Variants in C3orf20 observed in about 807,000 individuals in gnomAD.
The protein encoded by C3orf20 is family with sequence similarity 149 member C.
Under a neutral mutation model 88.3 loss-of-function variants are expected in C3orf20, and 76 were observed. That is an observed-to-expected ratio of 0.86 (90% CI 0.72 to 1.04). C3orf20 has a LOEUF of 1.04. C3orf20 is among the 50% of genes least tolerant of loss of function. The pLI, the probability that C3orf20 is intolerant of heterozygous loss-of-function variation, is 0.00. For synonymous variants in C3orf20, 436 were observed against 437.4 expected, an observed-to-expected ratio of 1.00 and a Z score of 0.04; for missense variants, 1,056 against 1,123.3, an observed-to-expected ratio of 0.94 and a Z score of 0.86.
intron 12 of C3orf20, among the ~76,000 whole-genome samples, chr3:14,736,297 T>G (rs928546951): frequency 5.0e-4 from 1 of 2,018 alleles, no homozygotes; most frequent in Non-Finnish European, 2.2e-3. Context: ...TTTATTTCAC[T>G]TTTTTTTTTT....
At position 14,714,107 on chromosome 3, in the gene C3orf20, G is replaced by T. The variant is rs762557632; in HGVS notation, c.1261G>T (p.Ala421Ser). 8 of 1,614,034 alleles carry T rather than the reference G, an allele frequency of 5.0e-6. No individual in the cohort carries two copies. In the Admixed American group the frequency reaches 1.2e-4, roughly 24 times the overall value. ...TGACATACCTGGATTCTCCTTGCTG[G>T]CCCTATTCAATACTGAAGGCCAGGG... is the stretch of plus-strand genomic sequence containing the variant. ...FNDIPGFSLL[A>S]LFNTEGQGCV... is the part of the protein sequence containing the mutation. Residue 421 changes from alanine to serine, a missense_variant, in exon 8 of 17, where the codon GCC becomes TCC. By Grantham distance (99) the Ala-to-Ser change is moderately conservative. Transcript: ENST00000253697.
At chr3:14,729,770 TC>T (rs1263765951) in intron 12 of C3orf20, among the ~76,000 whole-genome samples, 1 of 152,348 alleles carries the variant, frequency 6.6e-6, no homozygotes, top group East Asian at 1.9e-4. Flanking sequence ...GGTCTCGAAC[TC>T]CTGACCTCAT....
intron 10 of C3orf20, among the ~76,000 whole-genome samples, chr3:14,726,699 C>G (rs2034359285): frequency 6.6e-6 from 1 of 152,162 alleles, no homozygotes; most frequent in African/African-American, 2.4e-5. Context: ...GGAAAACCCT[C>G]CGAGGAGAGG....
At chr3:14,753,977 A>G (rs759030307) in intron 12 of C3orf20, among the ~76,000 whole-genome samples, 8 of 152,254 alleles carry the variant, frequency 5.3e-5, no homozygotes, top group African/African-American at 9.6e-5. Context: ...ACTAATCTGC[A>G]TTAGCCTTTA....
chr3:14,706,153 G>A (rs1406780915), intron 7 of C3orf20, among the ~76,000 whole-genome samples: 6 of 152,074 alleles, frequency 3.9e-5, no homozygotes, highest in Non-Finnish European at 8.8e-5. Flanking sequence ...GCTTCCTTTG[G>A]CCTCCTCTTG....
At chr3:14,677,931 A>G (rs1470904097) in intron 1 of C3orf20, among the ~76,000 whole-genome samples, 1 of 151,828 alleles carries the variant, frequency 6.6e-6, no homozygotes, top group Admixed American at 6.6e-5. Context: ...TGCCAGCAGC[A>G]GAAGGAGCAC....
At chr3:14,700,855 A>G (rs952979716) in intron 5 of C3orf20, among the ~76,000 whole-genome samples, 1 of 152,224 alleles carries the variant, frequency 6.6e-6, no homozygotes, top group African/African-American at 2.4e-5. Context: ...CGGGGCCTCC[A>G]CCATCCATTC....
rs1482440181 is a variant in C3orf20 at position 14,772,702 on chromosome 3, C to T, written c.2631-89C>T. On this transcript the variant is annotated intron_variant, in intron 16 of 16. Coordinates refer to ENST00000253697, the MANE Select transcript of C3orf20 (RefSeq NM_032137.5). The surrounding 1 kb of genome is among the most constrained non-coding windows in gnomAD (Gnocchi z 4.2). ...AGCCTCACCTGTGCAAGGGAGAGGGCCTTGCCCCTCCTGGCCCAACCGGGC... is the reference window on the plus strand; with the variant it reads ...AGCCTCACCTGTGCAAGGGAGAGGGTCTTGCCCCTCCTGGCCCAACCGGGC... The T allele has an allele frequency of 1.9e-6, 2 of 1,028,660 alleles. No individual in the cohort carries two copies. The highest frequency in any genetic ancestry group is 3.1e-5 in the African/African-American group (2 of 63,530). 63.7% of individuals were successfully genotyped at this position (1,028,660 alleles called of 1,614,324 possible). A position where few individuals can be genotyped will look rare whatever the true frequency, so the allele number is the denominator to read the frequency against.
chr3:14,681,507 A>G (rs924302732), intron 1 of C3orf20, among the ~76,000 whole-genome samples: 1 of 152,184 alleles, frequency 6.6e-6, no homozygotes, highest in African/African-American at 2.4e-5. Context: ...GAGTTGGGCA[A>G]CAGGAACAAC....
chr3:14,702,993 A>G, intron 5 of C3orf20, 137 bp from the exon 6 acceptor site: 1 of 1,101,582 alleles, frequency 9.1e-7, no homozygotes, highest in East Asian at 2.4e-5. Context: ...ATGCAAGTCT[A>G]AAATCCAGCG....
At chr3:14,684,676 C>CA (rs2032303297) in intron 4 of C3orf20, among the ~76,000 whole-genome samples, 1 of 152,178 alleles carries the variant, frequency 6.6e-6, no homozygotes, top group African/African-American at 2.4e-5. Context: ...GTGAAGGACT[C>CA]ATGTTTAAAA....
intron 12 of C3orf20, among the ~76,000 whole-genome samples, chr3:14,746,418 G>A (rs148628144): frequency 1.9e-4 from 29 of 152,276 alleles, no homozygotes; most frequent in African/African-American, 5.1e-4. Context: ...ACTGGATTGC[G>A]ATATAATCCC....
In C3orf20 at chr3:14,715,342, A is replaced by C. The variant is rs1367929447; in HGVS notation, c.1367A>C (p.Gln456Pro). Residue 456 changes from glutamine (Q) to proline (P), a missense_variant, in exon 9 of 17, where the codon CAG becomes CCG. Coordinates refer to ENST00000253697, the MANE Select transcript of C3orf20 (RefSeq NM_032137.5). ...GAAGGTGGGACCACCAATGACCAGC[A>C]GGGCTATGTAGTCCACAAGTGGAGC... The part of the protein sequence containing the change: ...DEEGGTTNDQ[Q>P]GYVVHKWSWT... 2.5e-6 allele frequency: 4 copies of C among 1,612,494 alleles called. No individual in the cohort carries two copies. In the African/African-American group the frequency reaches 5.3e-5, roughly 22 times the overall value.
chr3:14,754,832 C>T (rs1336262119), intron 12 of C3orf20, among the ~76,000 whole-genome samples: 6 of 152,102 alleles, frequency 3.9e-5, no homozygotes, highest in African/African-American at 1.4e-4. Flanking sequence ...TCCAGCATTC[C>T]TCCCACCTCA....
chr3:14,771,787 C>G (rs897694947), intron 15 of C3orf20, among the ~76,000 whole-genome samples: 3 of 152,162 alleles, frequency 2.0e-5, no homozygotes, highest in Non-Finnish European at 4.4e-5. Flanking sequence ...TGGTCACTTA[C>G]GGAGCCCTCC....
intron 12 of C3orf20, among the ~76,000 whole-genome samples, chr3:14,749,339 G>T (rs2035153777): frequency 6.6e-6 from 1 of 151,934 alleles, no homozygotes; most frequent in Admixed American, 6.6e-5. Context: ...TTTAAACTTA[G>T]CTGTATGTTT....
Position 14,684,320 on chromosome 3 carries a change from C to G in C3orf20, c.563C>G (p.Ala188Gly). The G allele has an allele frequency of 6.2e-7, 1 of 1,614,166 alleles. No homozygotes were observed. The highest frequency in any genetic ancestry group is 8.5e-7 in the Non-Finnish European group (1 of 1,180,028). ...CTCCACCTCAATGCCAAGGAGATGGCCTTCAACTGCCTGATCAGCACAGCC... is the reference window on the plus strand; with the variant it reads ...CTCCACCTCAATGCCAAGGAGATGGGCTTCAACTGCCTGATCAGCACAGCC... ...QLLHLNAKEM[A>G]FNCLISTAGR... The change falls in exon 4 of 17, where the codon GCC (alanine) becomes GGC (glycine). Residue 188 changes from alanine (A) to glycine (G), a missense_variant. Transcript: ENST00000253697.
At chr3:14,681,033 TG>T (rs1481442292) in intron 1 of C3orf20, among the ~76,000 whole-genome samples, 1 of 152,238 alleles carries the variant, frequency 6.6e-6, no homozygotes, top group African/African-American at 2.4e-5. Context: ...GTTTGCTCTT[TG>T]GGGCTCATGT....
intron 11 of C3orf20, 22 bp downstream of exon 11, chr3:14,727,046 C>T: frequency 9.9e-6 from 16 of 1,613,854 alleles, no homozygotes; most frequent in Non-Finnish European, 1.1e-5. Context: ...GAAAGGTGGG[C>T]GAAGGCCTAT....
Sources: allele counts gnomAD v4.1 joint callset (sites outside exome capture counted in the v4.1 genomes callset), GRCh38; gene constraint gnomAD v4.1.1; non-coding constraint Gnocchi (gnomAD v3.1); transcripts MANE v1.5; gene names NCBI Gene and HGNC (gene_info 2026-07-23, HGNC 2026-07-21).